The following NLRP14 variants were observed in gnomAD, a reference collection of about 807,000 sequenced individuals.
The protein encoded by NLRP14 is NLR family pyrin domain containing 14.
In NLRP14, 105 loss-of-function variants were observed where a neutral mutation model predicts 94.7. That is an observed-to-expected ratio of 1.11 (90% CI 0.95 to 1.30). The LOEUF (loss-of-function observed/expected upper bound fraction) is 1.30, where lower values mean the gene tolerates loss of function less well. NLRP14 is among the 50% of genes most tolerant of loss of function. NLRP14 has a pLI of 0.00. For synonymous variants in NLRP14, 508 were observed against 459.9 expected, an observed-to-expected ratio of 1.10 and a Z score of -1.34; for missense variants, 1,362 against 1,254.1, an observed-to-expected ratio of 1.09 and a Z score of -1.30.
Position 7,031,888 on chromosome 11 carries a change from T to G in NLRP14, c.-21-6678T>G, listed in dbSNP as rs1565011188. On this transcript the variant is annotated intron_variant, in intron 1 of 11. Transcript: ENST00000299481. ...CCTAGCAAAGTTCAAGAAATATTAG[T>G]AAGGTAGCACATGCTTGCTCCCGGC... Among the ~76,000 whole-genome samples, 3 of 152,328 alleles carry G rather than the reference T, an allele frequency of 2.0e-5. No individual in the cohort carries two copies. The South Asian group carries it at 6.2e-4, about 32-fold the overall frequency.
At chr11:7,077,182 T>C in the NLRP14 span, among the ~76,000 whole-genome samples, 1 of 152,226 alleles carries the variant, frequency 6.6e-6, no homozygotes, top group African/African-American at 2.4e-5. Context: ...CTTCCGCTCC[T>C]CCTCCTGTGT....
chr11:7,054,526 G>C (rs1852492117), intron 6 of NLRP14, among the ~76,000 whole-genome samples: 1 of 152,092 alleles, frequency 6.6e-6, no homozygotes, highest in Admixed American at 6.6e-5. Context: ...ATTTCTCATT[G>C]TAGTTTTGAT....
At position 7,055,669 on chromosome 11, in the gene NLRP14, C is replaced by T. The variant is rs116813923; in HGVS notation, c.2292-2008C>T. ...AAAGAAAGCTCCAGCGTCTTGCATCCGTTAAAATCCTACCCTGACCAACTC... is the reference window on the plus strand; with the variant it reads ...AAAGAAAGCTCCAGCGTCTTGCATCTGTTAAAATCCTACCCTGACCAACTC... On this transcript the variant is annotated intron_variant, in intron 6 of 11. Transcript: ENST00000299481. Among the ~76,000 whole-genome samples, 1,124 of 152,136 alleles carry T rather than the reference C, an allele frequency of 7.4e-3. 12 individuals are homozygous for T. Among genetic ancestry groups the T allele is most frequent in the African/African-American group, 0.02 (831 of 41,518 alleles).
chr11:7,036,774 A>C (rs1312963811), intron 1 of NLRP14, among the ~76,000 whole-genome samples: 2 of 152,164 alleles, frequency 1.3e-5, no homozygotes, highest in Non-Finnish European at 2.9e-5. Flanking sequence ...GATAGAGTAT[A>C]GAAGATTGAA....
intron 7 of NLRP14, 34 bp downstream of exon 7, chr11:7,057,881 T>G: frequency 6.4e-7 from 1 of 1,574,352 alleles, no homozygotes; most frequent in South Asian, 1.1e-5. Flanking sequence ...TGTAGAGTCA[T>G]TTTGCTTGGT....
At chr11:7,081,916 T>G in the NLRP14 span, among the ~76,000 whole-genome samples, 95,571 of 152,014 alleles carry the variant, frequency 0.63, 30,341 homozygotes, top group East Asian at 0.78. Context: ...TAGGGCTAAA[T>G]TTCTGACCCT....
In NLRP14 at chr11:7,039,741, A is replaced by G; in HGVS notation, c.317A>G (p.Asp106Gly). The change falls in exon 3 of 12, where the codon GAT becomes GGT. Residue 106 changes from aspartate (D) to glycine (G), a missense_variant. Physicochemically the swap from Asp to Gly is moderately conservative, Grantham distance 94 (BLOSUM62 -1). Coordinates refer to ENST00000299481, the MANE Select transcript of NLRP14 (RefSeq NM_176822.4). ...NWSAQTIGPD[D>G]AKAGETQEDQ... Reference sequence around the variant, plus strand: ...TCGGCCCAGACTATAGGACCAGATGATGCCAAGGCTGGAGAGACACAAGAA... The same window carrying G: ...TCGGCCCAGACTATAGGACCAGATGGTGCCAAGGCTGGAGAGACACAAGAA... 6.2e-7 allele frequency: 1 copy of G among 1,614,124 alleles called. No individual in the cohort carries two copies.
chr11:7,040,446 A>G (rs1852231961), intron 3 of NLRP14, among the ~76,000 whole-genome samples: 1 of 152,136 alleles, frequency 6.6e-6, no homozygotes, highest in African/African-American at 2.4e-5. Flanking sequence ...AATGTAATGC[A>G]ATTGAATCAT....
At chr11:7,023,624 TTA>T (rs1851975894) in intron 1 of NLRP14, among the ~76,000 whole-genome samples, 1 of 150,834 alleles carries the variant, frequency 6.6e-6, no homozygotes, top group African/African-American at 2.4e-5. Flanking sequence ...ACATAAGAAA[TTA>T]TATTAGGCCA....
intron 5 of NLRP14, 109 bp downstream of exon 5, chr11:7,046,941 C>T: frequency 1.2e-6 from 1 of 848,704 alleles, no homozygotes; most frequent in East Asian, 2.4e-5. Flanking sequence ...TACTTACAAT[C>T]CATTTTGTAA....
the NLRP14 span, among the ~76,000 whole-genome samples, chr11:7,084,985 G>A: frequency 2.6e-5 from 4 of 152,174 alleles, no homozygotes; most frequent in Non-Finnish European, 5.9e-5. Context: ...CTGGAGAATT[G>A]GTTGGTGAGG....
chr11:7,062,865 T>C (rs768095260), intron 10 of NLRP14, among the ~76,000 whole-genome samples: 1 of 152,138 alleles, frequency 6.6e-6, no homozygotes, highest in Non-Finnish European at 1.5e-5. Flanking sequence ...TAAAATACTA[T>C]GTTCTTAAGG....
the NLRP14 span, among the ~76,000 whole-genome samples, chr11:7,084,792 T>G: frequency 6.6e-6 from 1 of 152,224 alleles, no homozygotes; most frequent in Non-Finnish European, 1.5e-5. Flanking sequence ...AGGAGAGGGT[T>G]GTGGGAATCC....
chr11:7,062,249 C>A, intron 9 of NLRP14, 84 bp from the exon 10 acceptor site: 1 of 1,160,912 alleles, frequency 8.6e-7, no homozygotes, highest in Non-Finnish European at 1.3e-6. Flanking sequence ...AAAAGAGGTT[C>A]AAATACCTGG....
At chr11:7,066,685 C>G (rs1280469867) in intron 10 of NLRP14, among the ~76,000 whole-genome samples, 1 of 152,106 alleles carries the variant, frequency 6.6e-6, no homozygotes, top group Admixed American at 6.5e-5. Context: ...TACAGAAGCT[C>G]TTTAGTTTAA....
At chr11:7,053,451 A>T (rs1852471188) in intron 6 of NLRP14, among the ~76,000 whole-genome samples, 2 of 130,070 alleles carry the variant, frequency 1.5e-5, no homozygotes, top group South Asian at 5.3e-4. Flanking sequence ...CATTTAAATC[A>T]TATATATATG....
chr11:7,071,081 T>C (rs1852788704), intron 11 of NLRP14, 92 bp from the exon 12 acceptor site: 5 of 1,464,668 alleles, frequency 3.4e-6, no homozygotes, highest in Non-Finnish European at 3.8e-6. Flanking sequence ...ACAGAACAGT[T>C]TTTTTTCTCC....
chr11:7,090,257 A>G, the NLRP14 span: 1 of 1,608,408 alleles, frequency 6.2e-7, no homozygotes, highest in Non-Finnish European at 8.5e-7. Flanking sequence ...GAGGCCGTCT[A>G]GGAGGCCGCT....
At chr11:7,089,418 C>T in the NLRP14 span, 14 of 1,568,308 alleles carry the variant, frequency 8.9e-6, no homozygotes, top group Admixed American at 5.5e-5. Context: ...GCCGCCTCCC[C>T]GCAGCCGCGG....
Sources: gnomAD v4.1 joint callset for allele counts (sites outside exome capture counted in the v4.1 genomes callset) on GRCh38, gnomAD v4.1.1 for gene constraint, MANE v1.5 for transcripts, NCBI Gene and HGNC (gene_info 2026-07-23, HGNC 2026-07-21) for gene names.